CALN1: variants seen among roughly 807,000 people sequenced by gnomAD.
The protein encoded by CALN1 is calcium-binding protein 8.
In CALN1, 17 loss-of-function variants were observed where a neutral mutation model predicts 30.6. The ratio of observed to expected loss-of-function variants is 0.56; its 90% CI spans 0.38 to 0.83. CALN1 has a LOEUF of 0.83. Among genes scored for constraint, CALN1 ranks in the 40% least tolerant of loss-of-function variants. The pLI is 0.00. For synonymous variants in CALN1, 156 were observed against 131.4 expected, an observed-to-expected ratio of 1.19 and a Z score of -1.28; for missense variants, 291 against 354.9, an observed-to-expected ratio of 0.82 and a Z score of 1.45.
intron 3 of CALN1, among the ~76,000 whole-genome samples, chr7:72,264,797 C>T (rs1028425121): frequency 9.9e-5 from 15 of 152,014 alleles, no homozygotes; most frequent in Non-Finnish European, 2.1e-4. Context: ...AATCCTAGTA[C>T]CCATTAGTTA....
intron 2 of CALN1, among the ~76,000 whole-genome samples, chr7:72,290,263 A>G (rs1798389783): frequency 6.6e-6 from 1 of 151,808 alleles, no homozygotes; most frequent in African/African-American, 2.4e-5. Flanking sequence ...TACAGAAAAG[A>G]AGACATGAAA....
intron 5 of CALN1, among the ~76,000 whole-genome samples, chr7:71,910,233 G>A (rs1192351295): frequency 1.3e-5 from 2 of 152,092 alleles, no homozygotes; most frequent in Admixed American, 1.3e-4. Context: ...CCATATCAAC[G>A]CCAGACCTGA....
chr7:72,393,575 G>T (rs548026906), intron 2 of CALN1, among the ~76,000 whole-genome samples: 1 of 152,124 alleles, frequency 6.6e-6, no homozygotes, highest in South Asian at 2.1e-4. Context: ...GACACTGCAT[G>T]AACATGTACT....
At chr7:72,283,499 T>TA in intron 2 of CALN1, among the ~76,000 whole-genome samples, 1 of 149,894 alleles carries the variant, frequency 6.7e-6, no homozygotes. Flanking sequence ...CCCACCACTG[T>TA]ACTCCAGCCT....
At chr7:72,013,246 G>T (rs1029592720) in intron 5 of CALN1, among the ~76,000 whole-genome samples, 5 of 122,216 alleles carry the variant, frequency 4.1e-5, no homozygotes, top group South Asian at 2.7e-4. Flanking sequence ...GCTAATTTGA[G>T]ATTTTTTTTT....
intron 2 of CALN1, among the ~76,000 whole-genome samples, chr7:72,376,284 G>C (rs946814457): frequency 8.5e-5 from 13 of 152,140 alleles, no homozygotes; most frequent in Non-Finnish European, 1.2e-4. Flanking sequence ...GGATCCTATG[G>C]TAACTCTATG....
intron 3 of CALN1, among the ~76,000 whole-genome samples, chr7:72,211,788 C>A (rs1213085801): frequency 3.3e-5 from 5 of 152,032 alleles, no homozygotes; most frequent in African/African-American, 7.2e-5. Flanking sequence ...TGGGGTCAGG[C>A]CTGGGTTTGA....
In CALN1 at chr7:72,054,454, T is replaced by TATACATATATACATATATAC. The variant is rs1157030125; in HGVS notation, c.389-30686_389-30685insGTATATATGTATATATGTAT. On this transcript the variant is annotated intron_variant, in intron 4 of 6. Coordinates refer to ENST00000395275, the MANE Select transcript of CALN1 (RefSeq NM_031468.4). ...ACACGTATATATATATATACATATA[T>TATACATATATACATATATAC]ATACATATATATACATATATACATA... Among the ~76,000 whole-genome samples the TATACATATATACATATATAC allele has an allele frequency of 3.5e-4, 40 of 113,182 alleles. 2 individuals are homozygous for TATACATATATACATATATAC. Among genetic ancestry groups the TATACATATATACATATATAC allele is most frequent in the Non-Finnish European group, 6.5e-4 (35 of 54,066 alleles). The allele number at this position is 113,182 out of a possible 152,430, so 74.3% of individuals were successfully genotyped here.
chr7:71,872,228 T>C (rs1791978781), intron 5 of CALN1, among the ~76,000 whole-genome samples: 1 of 152,176 alleles, frequency 6.6e-6, no homozygotes, highest in African/African-American at 2.4e-5. Context: ...ATCACTAGCA[T>C]GCACCCTCCA....
intron 3 of CALN1, among the ~76,000 whole-genome samples, chr7:72,208,986 T>A (rs1177002990): frequency 1.0e-5 from 1 of 95,560 alleles, no homozygotes; most frequent in African/African-American, 4.9e-5. Context: ...CTTTTCCTAC[T>A]TCCTTCCTTC....
chr7:71,924,989 C>T (rs1562905890), intron 5 of CALN1, among the ~76,000 whole-genome samples: 1 of 152,008 alleles, frequency 6.6e-6, no homozygotes, highest in Non-Finnish European at 1.5e-5. Context: ...GCCTTTAATC[C>T]CAGCACTTTG....
intron 2 of CALN1, among the ~76,000 whole-genome samples, chr7:72,379,616 C>G (rs542301325): frequency 6.6e-6 from 1 of 152,226 alleles, no homozygotes; most frequent in African/African-American, 2.4e-5. Flanking sequence ...CAAATTTCAC[C>G]TTGAAAACTC....
At chr7:71,838,806 A>C (rs558303917) in intron 5 of CALN1, among the ~76,000 whole-genome samples, 7 of 152,246 alleles carry the variant, frequency 4.6e-5, no homozygotes, top group Admixed American at 4.6e-4. Flanking sequence ...TGCTGTAGCC[A>C]TGTGAAGAAG....
intron 4 of CALN1, among the ~76,000 whole-genome samples, chr7:72,085,972 T>C (rs908433782): frequency 2.6e-5 from 4 of 151,998 alleles, no homozygotes; most frequent in Non-Finnish European, 4.4e-5. Flanking sequence ...AAAATAGATG[T>C]ATAAGGAAAA....
rs144322947 is a variant in CALN1, at chr7:72,363,937, A to G, written c.119+39314T>C. On this transcript the variant is annotated intron_variant, in intron 2 of 6. Transcript: ENST00000395275. The stretch of plus-strand genomic sequence containing the variant: ...TTCAGTAGAGAAGGGTTTTCACCAC[A>G]TTGGCCAGGCTGGTCTCAAACCCCT... Among the ~76,000 whole-genome samples the G allele has an allele frequency of 4.4e-3, 643 of 147,312 alleles. 7 individuals are homozygous for G. Among genetic ancestry groups the G allele is most frequent in the African/African-American group, 0.015 (617 of 40,036 alleles).
At chr7:71,872,059 T>A (rs1791967554) in intron 5 of CALN1, among the ~76,000 whole-genome samples, 1 of 152,258 alleles carries the variant, frequency 6.6e-6, no homozygotes. Context: ...TTAGTTTTAA[T>A]GAATTTAAGT....
At chr7:72,056,384 A>C (rs1206085197) in intron 4 of CALN1, among the ~76,000 whole-genome samples, 1 of 152,180 alleles carries the variant, frequency 6.6e-6, no homozygotes, top group Non-Finnish European at 1.5e-5. Flanking sequence ...AGGGCAATTC[A>C]GAAATAAGCC....
intron 5 of CALN1, among the ~76,000 whole-genome samples, chr7:71,876,167 A>C (rs1210603570): frequency 1.3e-5 from 2 of 152,164 alleles, no homozygotes; most frequent in Non-Finnish European, 2.9e-5. Flanking sequence ...TTTGATTCCT[A>C]AAGTAATGGT....
In CALN1 at chr7:72,075,689, C is replaced by T. The variant is rs537117612; in HGVS notation, c.388+30462G>A. ...CTGGCCCTGCTCAGCTCCATCCCTG[C>T]ACCAGCGTATTCAGATTCCCTGTGA... On this transcript the variant is annotated intron_variant, in intron 4 of 6. Coordinates refer to ENST00000395275, the MANE Select transcript of CALN1 (RefSeq NM_031468.4). Among the ~76,000 whole-genome samples the T allele has an allele frequency of 6.9e-4, 105 of 152,304 alleles. 2 individuals are homozygous for T. In the South Asian group the frequency reaches 0.021, roughly 31 times the overall value.
Sources: allele counts gnomAD v4.1 joint callset (sites outside exome capture counted in the v4.1 genomes callset), GRCh38; gene constraint gnomAD v4.1.1; transcripts MANE v1.5; gene names NCBI Gene and HGNC (gene_info 2026-07-23, HGNC 2026-07-21).